The following MARCHF6 variants were observed in gnomAD, a reference collection of about 807,000 sequenced individuals.
MARCHF6 encodes E3 ubiquitin-protein ligase MARCHF6.
A neutral mutation model predicts 133.7 loss-of-function variants in MARCHF6; 31 were observed. That is an observed-to-expected ratio of 0.23 (90% CI 0.17 to 0.31). The LOEUF is 0.31. Ranked by LOEUF, MARCHF6 falls within the 10% of genes least tolerant of loss-of-function variation. MARCHF6 has a pLI of 1.00. For missense variants in MARCHF6, 723 were observed against 1,121.6 expected (o/e 0.64, Z 5.08); for synonymous variants, 395 against 402.5 (o/e 0.98, Z 0.22).
intron 25 of MARCHF6, among the ~76,000 whole-genome samples, chr5:10,433,091 T>C (rs1055992766): frequency 3.3e-5 from 5 of 152,160 alleles, no homozygotes; most frequent in African/African-American, 9.7e-5. Context: ...GGTTTCACCA[T>C]GTTGGCCAGG....
chr5:10,426,478 T>C lies in MARCHF6; in HGVS notation c.2462T>C (p.Leu821Pro). Residue 821 changes from leucine to proline, a missense_variant, in exon 24 of 26, where the codon CTG (leucine) becomes CCG (proline). By Grantham distance (98) the Leu-to-Pro change is moderately conservative. Transcript: ENST00000274140. ...APVISVLLLS[L>P]CVPYVIASGV... Reference sequence around the variant, plus strand: ...GTGATCTCTGTGCTGTTGCTTTCCCTGTGTGTACCTTATGTCATAGCTTCT... The same window carrying C: ...GTGATCTCTGTGCTGTTGCTTTCCCCGTGTGTACCTTATGTCATAGCTTCT... The C allele has an allele frequency of 6.2e-7, 1 of 1,614,208 alleles. No homozygotes were observed. Among genetic ancestry groups the C allele is most frequent in the South Asian group, 1.1e-5 (1 of 91,078 alleles).
At chr5:10,366,092 C>T (rs1736125268) in intron 1 of MARCHF6, among the ~76,000 whole-genome samples, 1 of 152,098 alleles carries the variant, frequency 6.6e-6, no homozygotes, top group Admixed American at 6.6e-5. Flanking sequence ...GCTGCCATAC[C>T]TGGCTAGTTT....
chr5:10,371,801 C>G (rs1736481163), intron 1 of MARCHF6, among the ~76,000 whole-genome samples: 1 of 151,932 alleles, frequency 6.6e-6, no homozygotes, highest in Non-Finnish European at 1.5e-5. Flanking sequence ...TTTTAAAATG[C>G]CTTCATTAAA....
At chr5:10,405,528 A>C (rs776814092) in intron 15 of MARCHF6, 30 bp from the exon 16 acceptor site, 12 of 1,565,130 alleles carry the variant, frequency 7.7e-6, no homozygotes, top group African/African-American at 1.4e-5. Context: ...ACATTGGTGA[A>C]TATTCATAGT....
intron 9 of MARCHF6, 104 bp downstream of exon 9, chr5:10,394,889 T>A (rs1307292256): frequency 5.9e-6 from 4 of 672,872 alleles, no homozygotes; most frequent in Admixed American, 2.8e-5. Flanking sequence ...AACCTCCGTC[T>A]CCTGGGTTCA....
intron 6 of MARCHF6, among the ~76,000 whole-genome samples, chr5:10,391,248 C>T (rs1050214247): frequency 5.3e-5 from 8 of 152,038 alleles, no homozygotes; most frequent in Admixed American, 3.3e-4. Context: ...ATCCTCCTTC[C>T]TCAGCCTCCT....
chr5:10,390,499 AGGTAACTCCCCTACCCCAAAATT>A lies in MARCHF6; in HGVS notation c.576+1_576+23del. On this transcript the variant is annotated splice_donor_variant and splice_donor_5th_base_variant and coding_sequence_variant and intron_variant, in exon 6 of 26. Coordinates refer to ENST00000274140, the MANE Select transcript of MARCHF6 (RefSeq NM_005885.4). LOFTEE classifies it high-confidence loss of function. ...AATGCTGCGGGGCATCACCAAAATGAGGTAACTCCCCTACCCCAAAATTGATTTTACTTAGGTAGGTCATGAGA... is the reference window on the plus strand; with the variant it reads ...AATGCTGCGGGGCATCACCAAAATGAGATTTTACTTAGGTAGGTCATGAGA... 1 of 1,612,304 alleles carries A rather than the reference AGGTAACTCCCCTACCCCAAAATT, an allele frequency of 6.2e-7. No individual in the cohort carries two copies. Among genetic ancestry groups the A allele is most frequent in the Non-Finnish European group, 8.5e-7 (1 of 1,179,364 alleles).
chr5:10,355,889 AT>A (rs1444958742), intron 1 of MARCHF6, among the ~76,000 whole-genome samples: 1 of 152,158 alleles, frequency 6.6e-6, no homozygotes, highest in African/African-American at 2.4e-5. Flanking sequence ...GTTGAAATTT[AT>A]TTTTGTCACT....
chr5:10,361,748 A>T (rs1182714472), intron 1 of MARCHF6, among the ~76,000 whole-genome samples: 2 of 152,024 alleles, frequency 1.3e-5, no homozygotes, highest in Non-Finnish European at 2.9e-5. Context: ...TATTTTTTAT[A>T]ACTTAACTTC....
rs536644117 is a variant in MARCHF6 at position 10,424,575 on chromosome 5, C to T, written c.2373+751C>T. Among the ~76,000 whole-genome samples the T allele has an allele frequency of 2.0e-5, 3 of 152,328 alleles. No homozygotes were observed. The South Asian group carries it at 6.2e-4, about 32-fold the overall frequency. On this transcript the variant is annotated intron_variant, in intron 23 of 25. Coordinates refer to ENST00000274140, the MANE Select transcript of MARCHF6 (RefSeq NM_005885.4). ...TACTCCCATGAATTTTCATCAACCA[C>T]GTTTAAGCCATCCTTTATCTGAAGG...
chr5:10,406,044 G>A (rs879629721), intron 16 of MARCHF6, among the ~76,000 whole-genome samples: 2 of 152,162 alleles, frequency 1.3e-5, no homozygotes, highest in Non-Finnish European at 2.9e-5. Flanking sequence ...TGTCAGATCA[G>A]CCTTGGCGTT....
chr5:10,380,920 C>G (rs1376960106), intron 3 of MARCHF6, among the ~76,000 whole-genome samples: 2 of 143,242 alleles, frequency 1.4e-5, no homozygotes, highest in African/African-American at 5.2e-5. Flanking sequence ...GAGTGAGACT[C>G]TGACTCAAAA....
At chr5:10,407,816 C>T (rs537449697) in intron 17 of MARCHF6, among the ~76,000 whole-genome samples, 8 of 152,126 alleles carry the variant, frequency 5.3e-5, no homozygotes, top group African/African-American at 1.9e-4. Context: ...ATTAGCCATG[C>T]GTGGTGGCGC....
At chr5:10,389,045 C>T (rs1267063560) in intron 5 of MARCHF6, among the ~76,000 whole-genome samples, 1 of 152,068 alleles carries the variant, frequency 6.6e-6, no homozygotes, top group Admixed American at 6.5e-5. Flanking sequence ...GAGGCCATAC[C>T]AGTTTAGTTT....
chr5:10,410,641 A>T (rs1482752741), intron 18 of MARCHF6, among the ~76,000 whole-genome samples: 1 of 151,964 alleles, frequency 6.6e-6, no homozygotes, highest in East Asian at 1.9e-4. Flanking sequence ...TTCTTCTCAA[A>T]TTTGATTTCT....
intron 25 of MARCHF6, among the ~76,000 whole-genome samples, chr5:10,432,154 G>A (rs1310094747): frequency 1.3e-5 from 2 of 152,212 alleles, no homozygotes; most frequent in South Asian, 2.1e-4. Flanking sequence ...TTACAGAAAA[G>A]TGATAGATAA....
At chr5:10,417,599 C>T (rs1221887483) in intron 22 of MARCHF6, 195 bp downstream of exon 22, 13 of 606,776 alleles carry the variant, frequency 2.1e-5, no homozygotes, top group East Asian at 3.1e-5. Context: ...TTGGCTCATG[C>T]GTCTGGTCCC....
chr5:10,396,402 A>T (rs1738195048), intron 9 of MARCHF6, among the ~76,000 whole-genome samples: 1 of 152,172 alleles, frequency 6.6e-6, no homozygotes, highest in Non-Finnish European at 1.5e-5. Context: ...TGTTGGGGAT[A>T]GGGAAAATTT....
chr5:10,386,697 TCTTTA>T (rs972993768), intron 4 of MARCHF6, among the ~76,000 whole-genome samples: 6 of 152,180 alleles, frequency 3.9e-5, no homozygotes, highest in African/African-American at 1.4e-4. Context: ...ATTTTGGAGA[TCTTTA>T]CTTTAGATTT....
Sources: allele counts gnomAD v4.1 joint callset (sites outside exome capture counted in the v4.1 genomes callset), GRCh38; gene constraint gnomAD v4.1.1; transcripts MANE v1.5; gene names NCBI Gene and HGNC (gene_info 2026-07-23, HGNC 2026-07-21).